CNOT6L: variants seen among roughly 807,000 people sequenced by gnomAD.
CNOT6L encodes the protein CCR4-NOT transcription complex subunit 6 like.
In CNOT6L, 7 loss-of-function variants were observed where a neutral mutation model predicts 64.0. The observed-to-expected ratio is 0.11, with a 90% CI of 0.06 to 0.21. The LOEUF (loss-of-function observed/expected upper bound fraction) is 0.21. Among genes scored for constraint, CNOT6L ranks in the 10% least tolerant of loss-of-function variants. The probability of loss-of-function intolerance (pLI) is 1.00; values close to 1 mark genes in which losing one functional copy is unlikely to be tolerated. For missense variants in CNOT6L, 245 were observed against 669.0 expected (o/e 0.37, Z 6.99); for synonymous variants, 193 against 243.4 (o/e 0.79, Z 1.93).
At chr4:77,725,843 G>T (rs1469277181) in intron 11 of CNOT6L, among the ~76,000 whole-genome samples, 1 of 152,082 alleles carries the variant, frequency 6.6e-6, no homozygotes, top group African/African-American at 2.4e-5. Flanking sequence ...TGAAAGTTAG[G>T]GATGGTTTGA....
chr4:77,768,459 T>A (rs1727109764), intron 4 of CNOT6L, among the ~76,000 whole-genome samples: 1 of 132,744 alleles, frequency 7.5e-6, no homozygotes, highest in African/African-American at 3.0e-5. Context: ...AGTGAGACTC[T>A]GTCTAAAATA....
intron 1 of CNOT6L, among the ~76,000 whole-genome samples, chr4:77,795,650 T>C (rs1266328256): frequency 6.6e-6 from 1 of 152,164 alleles, no homozygotes; most frequent in Non-Finnish European, 1.5e-5. Context: ...TCCACCATGA[T>C]TGTTAAGTCT....
intron 10 of CNOT6L, 142 bp from the exon 11 acceptor site, chr4:77,726,511 T>G (rs1240768510): frequency 3.6e-6 from 2 of 556,306 alleles, no homozygotes; most frequent in Non-Finnish European, 6.2e-6. Flanking sequence ...CTTTTGTTGT[T>G]GTTTAAAAAT....
At chr4:77,809,057 T>C (rs1732602270) in intron 1 of CNOT6L, among the ~76,000 whole-genome samples, 2 of 152,194 alleles carry the variant, frequency 1.3e-5, no homozygotes, top group Admixed American at 1.3e-4. Flanking sequence ...TTTACAGGAC[T>C]ACATCATTTA....
intron 8 of CNOT6L, among the ~76,000 whole-genome samples, chr4:77,736,856 GA>G (rs1401480427): frequency 6.6e-6 from 1 of 151,778 alleles, no homozygotes; most frequent in Non-Finnish European, 1.5e-5. Flanking sequence ...ATGGATAAAA[GA>G]ACATATATTA....
At chr4:77,762,811 G>A (rs1056351383) in intron 4 of CNOT6L, among the ~76,000 whole-genome samples, 1 of 152,092 alleles carries the variant, frequency 6.6e-6, no homozygotes. Flanking sequence ...ATTGACTTCA[G>A]CAGGCATAAA....
At chr4:77,743,370 A>G (rs1723804404) in intron 7 of CNOT6L, among the ~76,000 whole-genome samples, 1 of 152,026 alleles carries the variant, frequency 6.6e-6, no homozygotes, top group Non-Finnish European at 1.5e-5. Context: ...TAGACAAGAA[A>G]CTACAATAGC....
At chr4:77,803,924 G>A (rs1731915465) in intron 1 of CNOT6L, among the ~76,000 whole-genome samples, 1 of 151,810 alleles carries the variant, frequency 6.6e-6, no homozygotes, top group African/African-American at 2.4e-5. Context: ...AAAAAAGCGT[G>A]AGGTGTGGAA....
Position 77,714,310 on chromosome 4 carries a change from C to A in CNOT6L, c.*6121G>T, listed in dbSNP as rs1475267170. The stretch of plus-strand genomic sequence containing the variant: ...AATTGAGTGGAAAAGTAGATTGTCC[C>A]ATGGACAATTAGTTGGCACTTGTTA... On this transcript the variant is annotated 3_prime_UTR_variant, in exon 12 of 12. Transcript: ENST00000504123. 2 of 152,064 alleles carry A rather than the reference C, an allele frequency of 1.3e-5. No homozygotes were observed. Among genetic ancestry groups the A allele is most frequent in the Non-Finnish European group, 2.9e-5 (2 of 67,912 alleles). 9.4% of individuals were successfully genotyped at this position (152,064 alleles called of 1,614,324 possible).
chr4:77,720,763 TG>T, intron 11 of CNOT6L, 120 bp from the exon 12 acceptor site: 1 of 945,912 alleles, frequency 1.1e-6, no homozygotes, highest in Non-Finnish European at 1.6e-6. Context: ...GTCTTGATAG[TG>T]GGTCAAATAA....
chr4:77,792,134 C>A (rs561347681), intron 1 of CNOT6L, among the ~76,000 whole-genome samples: 1 of 152,122 alleles, frequency 6.6e-6, no homozygotes, highest in African/African-American at 2.4e-5. Flanking sequence ...CTTGTTTTCC[C>A]AACAACCTCT....
intron 1 of CNOT6L, among the ~76,000 whole-genome samples, chr4:77,788,546 G>A (rs569755506): frequency 3.9e-5 from 6 of 152,138 alleles, no homozygotes; most frequent in African/African-American, 1.2e-4. Flanking sequence ...TGGGCAATAC[G>A]GCGAAACCCC....
chr4:77,754,888 T>TAAAAAAAAAAAAAAAAAAAA lies in CNOT6L; in HGVS notation c.490+1954_490+1973dup. Among the ~76,000 whole-genome samples the TAAAAAAAAAAAAAAAAAAAA allele has an allele frequency of 1.3e-3, 49 of 36,952 alleles. 11 individuals are homozygous for TAAAAAAAAAAAAAAAAAAAA. Among genetic ancestry groups the TAAAAAAAAAAAAAAAAAAAA allele is most frequent in the African/African-American group, 1.9e-3 (17 of 9,038 alleles). 24.2% of individuals were successfully genotyped at this position (36,952 alleles called of 152,430 possible). ...AAAACCTAATTCTAAACATTAGAAG[T>TAAAAAAAAAAAAAAAAAAAA]AAAAAAAAAAAAAAAAAAAAAAAAA... On this transcript the variant is annotated intron_variant, in intron 5 of 11. Transcript: ENST00000504123.
At chr4:77,796,720 G>T (rs1002311914) in intron 1 of CNOT6L, among the ~76,000 whole-genome samples, 3 of 152,082 alleles carry the variant, frequency 2.0e-5, no homozygotes, top group Non-Finnish European at 2.9e-5. Context: ...TACTGACAAA[G>T]ATTAACATCA....
At chr4:77,764,830 G>A (rs1474750974) in intron 4 of CNOT6L, among the ~76,000 whole-genome samples, 1 of 152,168 alleles carries the variant, frequency 6.6e-6, no homozygotes, top group East Asian at 1.9e-4. Context: ...TCAGCATGAA[G>A]AAGTTACAGA....
intron 4 of CNOT6L, among the ~76,000 whole-genome samples, chr4:77,760,108 C>G (rs1726030107): frequency 6.6e-6 from 1 of 152,092 alleles, no homozygotes; most frequent in Non-Finnish European, 1.5e-5. Flanking sequence ...CATGGTGGTT[C>G]ACACCTGTAA....
At chr4:77,754,004 AAT>A (rs1725171152) in intron 5 of CNOT6L, among the ~76,000 whole-genome samples, 1 of 152,026 alleles carries the variant, frequency 6.6e-6, no homozygotes, top group East Asian at 1.9e-4. Context: ...TATGATACTT[AAT>A]CAAAAATTAT....
intron 5 of CNOT6L, among the ~76,000 whole-genome samples, chr4:77,751,525 T>C (rs1274985688): frequency 6.6e-6 from 1 of 152,162 alleles, no homozygotes; most frequent in Non-Finnish European, 1.5e-5. Context: ...GTGAAAGACT[T>C]ACACCTAACA....
In CNOT6L at chr4:77,740,326, C is replaced by T. The variant is rs990538611; in HGVS notation, c.872+1815G>A. Among the ~76,000 whole-genome samples, 7 of 152,034 alleles carry T rather than the reference C, an allele frequency of 4.6e-5. No individual in the cohort carries two copies. The South Asian group carries it at 8.3e-4, about 18-fold the overall frequency. ...GGTTGAGGCTGCAGTGAGCCATGAT[C>T]GCCACTGCACTCCAGCCTGGGTGAC... On this transcript the variant is annotated intron_variant, in intron 8 of 11. Transcript: ENST00000504123.
Sources: allele counts gnomAD v4.1 joint callset (sites outside exome capture counted in the v4.1 genomes callset), GRCh38; gene constraint gnomAD v4.1.1; transcripts MANE v1.5; gene names NCBI Gene and HGNC (gene_info 2026-07-23, HGNC 2026-07-21).